UBE3A: variants seen among roughly 807,000 people sequenced by gnomAD.
UBE3A encodes ubiquitin-protein ligase E3A.
A neutral mutation model predicts 83.4 loss-of-function variants in UBE3A; 6 were observed. The observed-to-expected ratio is 0.07, with a 90% CI of 0.04 to 0.14. The LOEUF is 0.14. Among genes scored for constraint, UBE3A ranks in the 10% least tolerant of loss-of-function variants. The probability of loss-of-function intolerance (pLI) is 1.00; values close to 1 mark genes in which losing one functional copy is unlikely to be tolerated. For missense variants in UBE3A, 456 were observed against 1,036.1 expected (o/e 0.44, Z 7.69); for synonymous variants, 337 against 355.4 (o/e 0.95, Z 0.58).
At chr15:25,429,284 G>A (rs758791628) in intron 1 of UBE3A, among the ~76,000 whole-genome samples, 7 of 152,100 alleles carry the variant, frequency 4.6e-5, no homozygotes, top group Non-Finnish European at 7.4e-5. Flanking sequence ...AACAGTTGGG[G>A]TTGTTAAAAG....
intron 11 of UBE3A, chr15:25,354,118 C>T (rs1227001344): frequency 2.6e-5 from 15 of 571,086 alleles, no homozygotes; most frequent in Non-Finnish European, 3.7e-5. Flanking sequence ...ATAATCCATA[C>T]GCCAAATGCA....
intron 11 of UBE3A, among the ~76,000 whole-genome samples, chr15:25,347,752 AG>A (rs746127375): frequency 2.7e-5 from 4 of 150,032 alleles, no homozygotes; most frequent in Non-Finnish European, 5.9e-5. Flanking sequence ...AAATAAATCA[AG>A]GGTCTTAAAA....
At chr15:25,366,406 C>A (rs776601800) in intron 6 of UBE3A, among the ~76,000 whole-genome samples, 1 of 152,118 alleles carries the variant, frequency 6.6e-6, no homozygotes, top group Non-Finnish European at 1.5e-5. Context: ...ATGCTGGAAG[C>A]TGGGTTAGAC....
chr15:25,418,546 C>G (rs920995751), intron 1 of UBE3A: 1 of 151,696 alleles, frequency 6.6e-6, no homozygotes, highest in Non-Finnish European at 1.5e-5. Flanking sequence ...TAAAGTTCTG[C>G]GCAAGCTAAA....
rs137888437 is a variant in UBE3A at position 25,412,147 on chromosome 15, G to GGC, written c.-164-178_-164-177dup. On this transcript the variant is annotated intron_variant, in intron 1 of 12. Coordinates refer to ENST00000648336, the MANE Select transcript of UBE3A (RefSeq NM_130839.5). ...TGCCGGGATGAGGAAAGCATAGGTA[G>GGC]GCAGGCCCTGTGGCCTGAGTGCTTT... is the stretch of plus-strand genomic sequence containing the variant. Among the ~76,000 whole-genome samples, 5,968 of 152,272 alleles carry GGC rather than the reference G, an allele frequency of 0.039. 136 individuals are homozygous for GGC. Among genetic ancestry groups the GGC allele is most frequent in the Non-Finnish European group, 0.043 (2,896 of 68,028 alleles).
At chr15:25,417,064 C>A (rs1466312736) in intron 1 of UBE3A, among the ~76,000 whole-genome samples, 1 of 152,092 alleles carries the variant, frequency 6.6e-6, no homozygotes, top group Admixed American at 6.6e-5. Flanking sequence ...CTGCTGAGTA[C>A]TAACTGTACA....
At chr15:25,401,418 A>G (rs1473419304) in intron 4 of UBE3A, among the ~76,000 whole-genome samples, 3 of 152,184 alleles carry the variant, frequency 2.0e-5, no homozygotes, top group East Asian at 1.9e-4. Context: ...ATTCAGCAGT[A>G]AAGTCACCAA....
chr15:25,386,806 A>G (rs2083241869), intron 4 of UBE3A, among the ~76,000 whole-genome samples: 2 of 149,420 alleles, frequency 1.3e-5, no homozygotes, highest in Admixed American at 1.3e-4. Flanking sequence ...GTGTTGAGAG[A>G]AAAAAAAACC....
intron 4 of UBE3A, among the ~76,000 whole-genome samples, chr15:25,384,589 C>T (rs1265494097): frequency 6.6e-6 from 1 of 151,900 alleles, no homozygotes; most frequent in Non-Finnish European, 1.5e-5. Flanking sequence ...GGCAATACTA[C>T]CCAAAGCAAT....
At chr15:25,380,244 T>A (rs1057116203) in intron 4 of UBE3A, among the ~76,000 whole-genome samples, 4 of 152,170 alleles carry the variant, frequency 2.6e-5, no homozygotes, top group African/African-American at 7.2e-5. Context: ...AAACTTCTTT[T>A]TTTTTTCCCA....
intron 4 of UBE3A, among the ~76,000 whole-genome samples, chr15:25,391,368 TGAA>T (rs2084344885): frequency 6.6e-6 from 1 of 152,230 alleles, no homozygotes; most frequent in Non-Finnish European, 1.5e-5. Context: ...AGTTGTTCAA[TGAA>T]TGTAGAGTTT....
chr15:25,376,057 T>C (rs956837877), intron 4 of UBE3A, among the ~76,000 whole-genome samples: 23 of 152,192 alleles, frequency 1.5e-4, no homozygotes, highest in Non-Finnish European at 1.5e-4. Context: ...ATGGTATATG[T>C]GCTTAAGTTG....
At chr15:25,359,309 A>G (rs1020326677) in intron 7 of UBE3A, among the ~76,000 whole-genome samples, 2 of 152,128 alleles carry the variant, frequency 1.3e-5, no homozygotes, top group South Asian at 4.1e-4. Flanking sequence ...TTCTATCTCA[A>G]AAAGGGCGTC....
intron 6 of UBE3A, among the ~76,000 whole-genome samples, chr15:25,365,114 T>C (rs1214200157): frequency 1.3e-5 from 2 of 152,092 alleles, no homozygotes; most frequent in African/African-American, 2.4e-5. Context: ...ATTTCATCAA[T>C]TGCTGGATAA....
At chr15:25,346,277 T>C (rs1026870087) in intron 11 of UBE3A, 1 of 152,292 alleles carries the variant, frequency 6.6e-6, no homozygotes, top group Non-Finnish European at 1.5e-5. Context: ...GCAGCACTAC[T>C]AGGAACCAGT....
chr15:25,372,157 GATTA>G (rs1021967147), intron 5 of UBE3A, among the ~76,000 whole-genome samples: 16 of 152,022 alleles, frequency 1.1e-4, no homozygotes, highest in African/African-American at 3.9e-4. Flanking sequence ...GTCATGTACT[GATTA>G]ATCATAATAC....
intron 11 of UBE3A, among the ~76,000 whole-genome samples, chr15:25,348,885 A>G (rs1243444786): frequency 6.6e-6 from 1 of 152,232 alleles, no homozygotes; most frequent in Non-Finnish European, 1.5e-5. Context: ...TTCTCTCCAA[A>G]TTGACCTGCC....
At chr15:25,397,551 G>T (rs1469200755) in intron 4 of UBE3A, among the ~76,000 whole-genome samples, 1 of 152,036 alleles carries the variant, frequency 6.6e-6, no homozygotes, top group African/African-American at 2.4e-5. Flanking sequence ...TAGCTTTCAT[G>T]AAAGCCTGGC....
At chr15:25,362,813 G>C (rs1488396384) in intron 6 of UBE3A, among the ~76,000 whole-genome samples, 1 of 152,120 alleles carries the variant, frequency 6.6e-6, no homozygotes, top group Non-Finnish European at 1.5e-5. Context: ...AACTGGCTAG[G>C]TGTTAAAGAT....
Sources: allele counts gnomAD v4.1 joint callset (sites outside exome capture counted in the v4.1 genomes callset), GRCh38; gene constraint gnomAD v4.1.1; transcripts MANE v1.5; gene names NCBI Gene and HGNC (gene_info 2026-07-23, HGNC 2026-07-21).